The following SUPT3H variants were observed in gnomAD, a reference collection of about 807,000 sequenced individuals.
The protein encoded by SUPT3H is transcription initiation protein SPT3 homolog.
In SUPT3H, 44 loss-of-function variants were observed where a neutral mutation model predicts 44.3. The ratio of observed to expected loss-of-function variants is 0.99; its 90% confidence interval spans 0.78 to 1.28. The LOEUF is 1.28. SUPT3H is among the 50% of genes most tolerant of loss of function. SUPT3H has a pLI of 0.00. For missense variants in SUPT3H, 380 were observed against 387.1 expected, an observed-to-expected ratio of 0.98 and a Z score of 0.15; for synonymous variants, 124 against 125.6, an observed-to-expected ratio of 0.99 and a Z score of 0.09.
At chr6:45,149,964 T>A (rs1450533000) in intron 2 of SUPT3H, among the ~76,000 whole-genome samples, 1 of 152,062 alleles carries the variant, frequency 6.6e-6, no homozygotes, top group Non-Finnish European at 1.5e-5. Flanking sequence ...ACCTGAACAA[T>A]TTTTTTAAAA....
chr6:45,052,962 AAGAG>A (rs764031846), intron 3 of SUPT3H, among the ~76,000 whole-genome samples: 26 of 151,966 alleles, frequency 1.7e-4, no homozygotes, highest in Non-Finnish European at 3.2e-4. Context: ...GAAGAGGGAG[AAGAG>A]AGAGGAAGAC....
chr6:44,834,913 G>A (rs1769536113), intron 10 of SUPT3H, among the ~76,000 whole-genome samples: 1 of 152,080 alleles, frequency 6.6e-6, no homozygotes, highest in African/African-American at 2.4e-5. Context: ...ACTTAATTAT[G>A]TCCGAAACAA....
At chr6:45,001,348 T>C (rs1211494188) in intron 6 of SUPT3H, among the ~76,000 whole-genome samples, 2 of 152,096 alleles carry the variant, frequency 1.3e-5, no homozygotes, top group African/African-American at 2.4e-5. Context: ...ACTATAGGTA[T>C]GCCCAAGTGC....
intron 5 of SUPT3H, among the ~76,000 whole-genome samples, chr6:45,004,615 C>T (rs1782455101): frequency 6.6e-6 from 1 of 151,612 alleles, no homozygotes; most frequent in African/African-American, 2.4e-5. Context: ...TTACTCTTTC[C>T]CATTTCCTTC....
chr6:44,982,540 A>C (rs943860554), intron 6 of SUPT3H, among the ~76,000 whole-genome samples: 1 of 152,182 alleles, frequency 6.6e-6, no homozygotes, highest in Non-Finnish European at 1.5e-5. Context: ...AAGAAATGTC[A>C]CTGGAAGAAG....
chr6:44,932,583 T>C lies in SUPT3H; in HGVS notation c.912+70A>G, dbSNP rs1463417552. 3.1e-5 allele frequency: 35 copies of C among 1,126,862 alleles called. No homozygotes were observed. The highest frequency in any genetic ancestry group is 6.3e-6 in the Non-Finnish European group (5 of 798,784). 69.8% of individuals were successfully genotyped at this position (1,126,862 alleles called of 1,614,324 possible). On this transcript the variant is annotated intron_variant, in intron 10 of 10. Coordinates refer to ENST00000371459, the MANE Select transcript of SUPT3H (RefSeq NM_003599.4). Reference sequence around the variant, plus strand: ...TTTCAACAATTCCATTGCTTCTTCATTTGACCACTTGAAAATCAAAATTCT... The same window carrying C: ...TTTCAACAATTCCATTGCTTCTTCACTTGACCACTTGAAAATCAAAATTCT...
chr6:45,303,671 T>TAAAAAA (rs36119324), intron 2 of SUPT3H, among the ~76,000 whole-genome samples: 6 of 112,970 alleles, frequency 5.3e-5, no homozygotes, highest in Non-Finnish European at 7.4e-5. Flanking sequence ...ATTCTAGAAG[T>TAAAAAA]AAAAAAAAAA....
intron 6 of SUPT3H, among the ~76,000 whole-genome samples, chr6:45,000,795 A>T (rs1156890771): frequency 2.0e-5 from 3 of 151,910 alleles, no homozygotes; most frequent in Admixed American, 6.6e-5. Context: ...TGCACCCCAA[A>T]CTGTTTAAAA....
chr6:44,809,960 T>C (rs1195723750), intron 11 of SUPT3H, among the ~76,000 whole-genome samples: 1 of 152,204 alleles, frequency 6.6e-6, no homozygotes, highest in Non-Finnish European at 1.5e-5. Flanking sequence ...TATAATTTCT[T>C]AGTGCCAGAT....
In SUPT3H at chr6:45,003,752, C is replaced by A; in HGVS notation, c.405G>T (p.Lys135Asn). The A allele has an allele frequency of 6.2e-7, 1 of 1,613,692 alleles. No homozygotes were observed. The highest frequency in any genetic ancestry group is 8.5e-7 in the Non-Finnish European group (1 of 1,179,796). ...SGSNNANKRQ[K>N]IAQDFLNSID... Reference sequence around the variant, plus strand: ...TAGAGTTGAGGAAGTCCTGAGCAATCTTTTGTCTTTTGTTCGCATTATTGC... The same window carrying A: ...TAGAGTTGAGGAAGTCCTGAGCAATATTTTGTCTTTTGTTCGCATTATTGC... The change falls in exon 6 of 11, where the codon AAG (lysine) becomes AAT (asparagine). Residue 135 changes from lysine (K) to asparagine (N), a missense_variant. Lys to Asn is a moderately conservative substitution (Grantham distance 94, BLOSUM62 0). Coordinates refer to ENST00000371459, the MANE Select transcript of SUPT3H (RefSeq NM_003599.4).
chr6:45,357,844 T>C (rs1040874759), intron 2 of SUPT3H, among the ~76,000 whole-genome samples: 2 of 152,080 alleles, frequency 1.3e-5, no homozygotes, highest in African/African-American at 4.8e-5. Flanking sequence ...AATAATGAAG[T>C]GTAATACATT....
At chr6:45,111,589 C>T (rs1347413574) in intron 2 of SUPT3H, among the ~76,000 whole-genome samples, 1 of 128,348 alleles carries the variant, frequency 7.8e-6, no homozygotes, top group African/African-American at 3.0e-5. Flanking sequence ...AATGAATTAA[C>T]AATAAATAAA....
chr6:44,879,287 C>T (rs919599979), intron 10 of SUPT3H, among the ~76,000 whole-genome samples: 5 of 152,208 alleles, frequency 3.3e-5, no homozygotes, highest in Non-Finnish European at 5.9e-5. Flanking sequence ...ATGTTCCCCT[C>T]ACAGTGTAAG....
rs1414371457 is a variant in SUPT3H at position 44,954,550 on chromosome 6, G to A, written c.638C>T (p.Pro213Leu). The A allele has an allele frequency of 1.2e-6, 2 of 1,613,942 alleles. No individual in the cohort carries two copies. Among genetic ancestry groups the A allele is most frequent in the Non-Finnish European group, 8.5e-7 (1 of 1,179,974 alleles). ...TAAGATTTCCATTGCGACAACATTGGGTTTTATCTCCATACTGCTGCAGTC... is the reference window on the plus strand; with the variant it reads ...TAAGATTTCCATTGCGACAACATTGAGTTTTATCTCCATACTGCTGCAGTC... The part of the protein sequence containing the change: ...WLDCSSMEIK[P>L]NVVAMEILAY... The change falls in exon 8 of 11, where the codon CCC (proline) becomes CTC (leucine). Residue 213 changes from proline to leucine, a missense_variant. Physicochemically the swap from Pro to Leu is moderately conservative, Grantham distance 98 (BLOSUM62 -3). Transcript: ENST00000371459.
At chr6:44,811,087 CG>C (rs891585512) in intron 11 of SUPT3H, among the ~76,000 whole-genome samples, 1 of 152,146 alleles carries the variant, frequency 6.6e-6, no homozygotes, top group Non-Finnish European at 1.5e-5. Context: ...ATACTTGATT[CG>C]GATTTCCTTA....
At chr6:44,908,801 AAT>A (rs1491469753) in intron 10 of SUPT3H, among the ~76,000 whole-genome samples, 43 of 147,510 alleles carry the variant, frequency 2.9e-4, no homozygotes, top group African/African-American at 9.3e-4. Flanking sequence ...CTAAAAAAAA[AAT>A]ATTGAAATAT....
At chr6:45,001,890 G>A (rs1782054074) in intron 6 of SUPT3H, among the ~76,000 whole-genome samples, 1 of 152,050 alleles carries the variant, frequency 6.6e-6, no homozygotes, top group Admixed American at 6.6e-5. Flanking sequence ...TTAGAAGCAG[G>A]CAAGGCCTAT....
rs537606691 is a variant in SUPT3H at position 44,965,387 on chromosome 6, C to G, written c.505-3559G>C. On this transcript the variant is annotated intron_variant, in intron 6 of 10. Transcript: ENST00000371459. ...TATGTGTGCCATGATGTGAGAAAGA[C>G]TGGAAGCACTGTACTAATACTAATG... Among the ~76,000 whole-genome samples, 107 of 152,276 alleles carry G rather than the reference C, an allele frequency of 7.0e-4. 1 individual carries two copies. The South Asian group carries it at 0.021, about 30-fold the overall frequency.
Position 45,244,533 on chromosome 6 carries a change from T to A in SUPT3H, c.101+120668A>T, listed in dbSNP as rs560892643. Among the ~76,000 whole-genome samples the A allele has an allele frequency of 2.0e-5, 3 of 152,286 alleles. No homozygotes were observed. In the South Asian group the frequency reaches 6.2e-4, roughly 32 times the overall value. ...GAACATTTTAAACAAACAACCCCAC[T>A]ACCTTTTCCTGAAAACTGGTGCTGT... On this transcript the variant is annotated intron_variant, in intron 2 of 10. Coordinates refer to ENST00000371459, the MANE Select transcript of SUPT3H (RefSeq NM_003599.4).
Sources: allele counts gnomAD v4.1 joint callset (sites outside exome capture counted in the v4.1 genomes callset), GRCh38; gene constraint gnomAD v4.1.1; transcripts MANE v1.5; gene names NCBI Gene and HGNC (gene_info 2026-07-23, HGNC 2026-07-21).